MGAT4C: variants seen among roughly 807,000 people sequenced by gnomAD.
The protein encoded by MGAT4C is MGAT4 family member C.
MGAT4C carries 19 observed loss-of-function variants against 40.1 expected under a neutral mutation model. The ratio of observed to expected loss-of-function variants is 0.47; its 90% CI spans 0.33 to 0.70. MGAT4C has a LOEUF of 0.70. Among genes scored for constraint, MGAT4C ranks in the 30% least tolerant of loss-of-function variants. The pLI is 0.02. For missense variants in MGAT4C, 491 were observed against 563.2 expected (o/e 0.87, Z 1.30); for synonymous variants, 181 against 187.1 (o/e 0.97, Z 0.27).
chr12:86,436,107 C>A (rs987041505), intron 2 of MGAT4C, among the ~76,000 whole-genome samples: 14 of 151,774 alleles, frequency 9.2e-5, no homozygotes, highest in Non-Finnish European at 4.4e-5. Context: ...GGGTTTAAAG[C>A]CTGGTTAAGC....
At chr12:86,205,364 G>T (rs1207949251) in intron 1 of MGAT4C, among the ~76,000 whole-genome samples, 1 of 150,944 alleles carries the variant, frequency 6.6e-6, no homozygotes. Context: ...CAGTGATTTT[G>T]TCACATTTAA....
intron 1 of MGAT4C, among the ~76,000 whole-genome samples, chr12:86,060,680 A>G (rs948175526): frequency 2.0e-5 from 3 of 152,238 alleles, no homozygotes; most frequent in African/African-American, 7.2e-5. Context: ...GAAAATAAAT[A>G]GAAACATTTA....
At chr12:86,711,462 G>A (rs1285073723) in intron 2 of MGAT4C, among the ~76,000 whole-genome samples, 8 of 152,102 alleles carry the variant, frequency 5.3e-5, no homozygotes, top group Admixed American at 2.6e-4. Flanking sequence ...CAGATCTACC[G>A]CATAGTTTTG....
chr12:86,079,767 A>T (rs1356984273), intron 1 of MGAT4C, among the ~76,000 whole-genome samples: 3 of 151,186 alleles, frequency 2.0e-5, no homozygotes, highest in Non-Finnish European at 2.9e-5. Context: ...AATATATATA[A>T]AATATATTTA....
chr12:86,185,696 A>G (rs1888681711), intron 1 of MGAT4C, among the ~76,000 whole-genome samples: 1 of 152,190 alleles, frequency 6.6e-6, no homozygotes, highest in African/African-American at 2.4e-5. Context: ...ATTTGAATCC[A>G]TATGCCAACT....
chr12:86,238,759 T>C (rs1010150760), intron 1 of MGAT4C, among the ~76,000 whole-genome samples: 4 of 152,154 alleles, frequency 2.6e-5, no homozygotes, highest in East Asian at 1.9e-4. Context: ...GAAAAGGCCA[T>C]TGAATAAGCA....
At chr12:86,109,305 T>C (rs1461703496) in intron 1 of MGAT4C, among the ~76,000 whole-genome samples, 2 of 152,134 alleles carry the variant, frequency 1.3e-5, no homozygotes, top group African/African-American at 2.4e-5. Context: ...AACTGATATA[T>C]AGCGTGGTAT....
chr12:86,563,783 G>T (rs1959971390), intron 2 of MGAT4C, among the ~76,000 whole-genome samples: 2 of 152,168 alleles, frequency 1.3e-5, no homozygotes, highest in African/African-American at 4.8e-5. Context: ...TAAAGTAGGG[G>T]CTTATGGAGG....
intron 1 of MGAT4C, among the ~76,000 whole-genome samples, chr12:86,200,725 G>A (rs988993172): frequency 1.1e-4 from 16 of 151,958 alleles, no homozygotes; most frequent in South Asian, 6.2e-4. Flanking sequence ...ATGGTGTTAC[G>A]GGCTGAACTG....
intron 1 of MGAT4C, among the ~76,000 whole-genome samples, chr12:86,088,271 T>A (rs376904656): frequency 6.6e-6 from 1 of 152,012 alleles, no homozygotes; most frequent in African/African-American, 2.4e-5. Flanking sequence ...ATAAAAACTC[T>A]GGACAATAAC....
chr12:86,325,549 G>A (rs1006347836), intron 4 of MGAT4C, among the ~76,000 whole-genome samples: 2 of 152,142 alleles, frequency 1.3e-5, no homozygotes, highest in Non-Finnish European at 2.9e-5. Context: ...TTATCTGTAA[G>A]GTGGGTAAAA....
Position 86,586,508 on chromosome 12 carries a change from T to A in MGAT4C, c.-229+140701A>T, listed in dbSNP as rs1379396968. On this transcript the variant is annotated intron_variant, in intron 2 of 7. Coordinates refer to the MGAT4C transcript ENST00000548651. ...GTCAAATGGTATTTCTAGTTCTAGATCCCTGAGGAATCGCCACACTGACTT... is the reference window on the plus strand; with the variant it reads ...GTCAAATGGTATTTCTAGTTCTAGAACCCTGAGGAATCGCCACACTGACTT... 1.3e-3 allele frequency among the ~76,000 whole-genome samples: 125 copies of A among 95,700 alleles called. 1 individual carries two copies. The highest frequency in any genetic ancestry group is 4.0e-3 in the African/African-American group (118 of 29,622). The allele number at this position is 95,700 out of a possible 152,430, so 62.8% of individuals were successfully genotyped here.
chr12:86,737,012 T>C (rs1166810842), intron 1 of MGAT4C, among the ~76,000 whole-genome samples: 2 of 140,714 alleles, frequency 1.4e-5, no homozygotes, highest in Admixed American at 1.4e-4. Flanking sequence ...CTTGCAATTC[T>C]ATAAAAAAAA....
At chr12:86,329,415 T>C (rs1440780990) in intron 4 of MGAT4C, among the ~76,000 whole-genome samples, 5 of 152,150 alleles carry the variant, frequency 3.3e-5, no homozygotes, top group Admixed American at 1.3e-4. Flanking sequence ...CTTGTCCTGA[T>C]CTACTTTAAT....
intron 4 of MGAT4C, among the ~76,000 whole-genome samples, chr12:86,278,135 A>T (rs1330629242): frequency 7.1e-6 from 1 of 141,126 alleles, no homozygotes; most frequent in African/African-American, 2.6e-5. Flanking sequence ...TAGATATTTA[A>T]TTTTATCTGT....
chr12:86,570,404 T>C (rs1299392345), intron 2 of MGAT4C, among the ~76,000 whole-genome samples: 1 of 152,120 alleles, frequency 6.6e-6, no homozygotes, highest in Non-Finnish European at 1.5e-5. Context: ...AATTTTTTTG[T>C]CTAATAAGAC....
At chr12:86,303,281 C>T (rs2136141773) in intron 4 of MGAT4C, among the ~76,000 whole-genome samples, 1 of 150,574 alleles carries the variant, frequency 6.6e-6, no homozygotes, top group Middle Eastern at 3.4e-3. Context: ...TTCTCCAGAG[C>T]TCTGAAACCA....
chr12:86,218,025 T>C (rs2135979101), intron 1 of MGAT4C, among the ~76,000 whole-genome samples: 1 of 152,176 alleles, frequency 6.6e-6, no homozygotes, highest in Non-Finnish European at 1.5e-5. Flanking sequence ...AAAACTAGAA[T>C]GTGACCTCTC....
intron 2 of MGAT4C, among the ~76,000 whole-genome samples, chr12:86,537,177 C>A (rs1189317960): frequency 2.0e-5 from 3 of 151,264 alleles, no homozygotes; most frequent in Non-Finnish European, 2.9e-5. Flanking sequence ...ACAATGAGAA[C>A]ACATGGACAC....
Sources: allele counts gnomAD v4.1 joint callset (sites outside exome capture counted in the v4.1 genomes callset), GRCh38; gene constraint gnomAD v4.1.1; transcripts MANE v1.5; gene names NCBI Gene and HGNC (gene_info 2026-07-23, HGNC 2026-07-21).